ASIC2: variants seen among roughly 807,000 people sequenced by gnomAD.
The protein encoded by ASIC2 is acid-sensing ion channel 2.
In ASIC2, 25 loss-of-function variants were observed where a neutral mutation model predicts 57.3. The ratio of observed to expected loss-of-function variants is 0.44; its 90% CI spans 0.32 to 0.61. ASIC2 has a LOEUF of 0.61. Among genes scored for constraint, ASIC2 ranks in the 20% least tolerant of loss-of-function variants. The pLI is 0.06. For missense variants in ASIC2, 641 were observed against 738.1 expected (o/e 0.87, Z 1.52); for synonymous variants, 319 against 307.5 (o/e 1.04, Z -0.39).
chr17:33,461,872 C>A (rs1036006100), intron 1 of ASIC2, among the ~76,000 whole-genome samples: 1 of 152,104 alleles, frequency 6.6e-6, no homozygotes, highest in Non-Finnish European at 1.5e-5. Context: ...CAGGTATGCC[C>A]CAGTTCCATT....
At chr17:34,072,928 A>C (rs1207677390) in intron 1 of ASIC2, among the ~76,000 whole-genome samples, 2 of 152,182 alleles carry the variant, frequency 1.3e-5, no homozygotes, top group Non-Finnish European at 2.9e-5. Flanking sequence ...CTGGTACTAA[A>C]TTTTGTAATT....
chr17:33,899,664 G>A (rs1035512732), intron 1 of ASIC2, among the ~76,000 whole-genome samples: 3 of 152,076 alleles, frequency 2.0e-5, no homozygotes, highest in Non-Finnish European at 2.9e-5. Flanking sequence ...TTGGAGACCC[G>A]GTATGAGATA....
intron 1 of ASIC2, among the ~76,000 whole-genome samples, chr17:33,696,471 G>A (rs1908532162): frequency 6.6e-6 from 1 of 152,200 alleles, no homozygotes; most frequent in Non-Finnish European, 1.5e-5. Context: ...ACATATATGA[G>A]GGGAAAGCAC....
intron 1 of ASIC2, among the ~76,000 whole-genome samples, chr17:33,495,367 C>A (rs9890772): frequency 1.3e-4 from 20 of 152,186 alleles, no homozygotes; most frequent in African/African-American, 4.6e-4. Flanking sequence ...TGGTCCTGGG[C>A]AAAGAAGCCA....
intron 3 of ASIC2, among the ~76,000 whole-genome samples, chr17:33,065,318 A>C (rs2092038803): frequency 6.6e-6 from 1 of 151,370 alleles, no homozygotes; most frequent in African/African-American, 2.4e-5. Context: ...CTGGGACTAC[A>C]GCTGCTCAGT....
At chr17:33,844,287 C>CCGTGGCA (rs1486357554) in intron 1 of ASIC2, among the ~76,000 whole-genome samples, 1 of 152,026 alleles carries the variant, frequency 6.6e-6, no homozygotes, top group Non-Finnish European at 1.5e-5. Context: ...TGTAGGATGA[C>CCGTGGCA]CGTGGCATTT....
rs180843790 is a variant in ASIC2 at position 34,119,009 on chromosome 17, A to C, written c.555+36969T>G. Reference sequence around the variant, plus strand: ...TAATCTCCATTTTGGAGGCCAGGAAAGTGTGGCAAGAGAGATGTTTAGCTT... The same window carrying C: ...TAATCTCCATTTTGGAGGCCAGGAACGTGTGGCAAGAGAGATGTTTAGCTT... On this transcript the variant is annotated intron_variant, in intron 1 of 9. Coordinates refer to the ASIC2 transcript ENST00000359872. The C allele has an allele frequency of 4.0e-4, 61 of 152,344 alleles. 1 individual carries two copies. The highest frequency in any genetic ancestry group is 3.8e-3 in the Admixed American group (58 of 15,304). 9.4% of individuals were successfully genotyped at this position (152,344 alleles called of 1,614,324 possible). A position where few individuals can be genotyped will look rare whatever the true frequency, so the allele number is the denominator to read the frequency against.
chr17:33,401,067 A>G (rs1757221114), intron 1 of ASIC2, among the ~76,000 whole-genome samples: 2 of 152,180 alleles, frequency 1.3e-5, no homozygotes, highest in Admixed American at 6.5e-5. Flanking sequence ...TGTGAATGAC[A>G]TCGCCGTCTC....
At chr17:34,069,476 CACTG>C (rs1378441544) in intron 1 of ASIC2, 6 of 151,414 alleles carry the variant, frequency 4.0e-5, no homozygotes, top group African/African-American at 1.5e-4. Context: ...CAGGGCCTAT[CACTG>C]ACTGAGTTAG....
chr17:33,488,106 A>G (rs1221891276), intron 1 of ASIC2, among the ~76,000 whole-genome samples: 1 of 152,212 alleles, frequency 6.6e-6, no homozygotes, highest in Non-Finnish European at 1.5e-5. Context: ...AATGATTGAG[A>G]AAATGCATCT....
intron 1 of ASIC2, among the ~76,000 whole-genome samples, chr17:33,810,486 T>A (rs1363512633): frequency 6.6e-6 from 1 of 152,202 alleles, no homozygotes; most frequent in Non-Finnish European, 1.5e-5. Context: ...CAGAGCCAAG[T>A]GCAGGAACAC....
chr17:33,080,615 A>G (rs2092109412), intron 3 of ASIC2, among the ~76,000 whole-genome samples: 1 of 152,196 alleles, frequency 6.6e-6, no homozygotes, highest in Non-Finnish European at 1.5e-5. Flanking sequence ...GTAAGAGATA[A>G]ACAAAAATAA....
intron 1 of ASIC2, among the ~76,000 whole-genome samples, chr17:33,191,575 A>T (rs963920942): frequency 6.6e-6 from 1 of 151,336 alleles, no homozygotes; most frequent in African/African-American, 2.4e-5. Flanking sequence ...GAGGGAGGAG[A>T]AGGAGGAGGA....
intron 7 of ASIC2, among the ~76,000 whole-genome samples, chr17:33,018,245 G>A (rs992240727): frequency 6.6e-6 from 1 of 152,176 alleles, no homozygotes; most frequent in Admixed American, 6.5e-5. Flanking sequence ...GGGTTTATAG[G>A]CCCCCATTAT....
At chr17:33,252,486 C>T (rs960890902) in intron 1 of ASIC2, among the ~76,000 whole-genome samples, 4 of 152,136 alleles carry the variant, frequency 2.6e-5, no homozygotes, top group African/African-American at 7.2e-5. Flanking sequence ...ATGGCAAAAG[C>T]GTGCTTTTGT....
Position 33,292,035 on chromosome 17 carries a change from C to G in ASIC2, c.81G>C (p.Pro27=). 8.7e-7 allele frequency: 1 copy of G among 1,155,322 alleles called. No homozygotes were observed. The highest frequency in any genetic ancestry group is 1.1e-6 in the Non-Finnish European group (1 of 944,908). 71.6% of individuals were successfully genotyped at this position (1,155,322 alleles called of 1,614,324 possible). A position where few individuals can be genotyped will look rare whatever the true frequency, so the allele number is the denominator to read the frequency against. ...CGGCAGCCGCCAACGCCGCGGGCGCCGGCTCCTCGCGGGCCATGCGGAAGC... is the reference window on the plus strand; with the variant it reads ...CGGCAGCCGCCAACGCCGCGGGCGCGGGCTCCTCGCGGGCCATGCGGAAGC... ...PGRFRMAREE[P]APAALAAAGQ... Residue 27 remains proline (P), a synonymous_variant, in exon 1 of 10, where the codon CCG becomes CCC. Coordinates refer to ENST00000225823, the MANE Select transcript of ASIC2 (RefSeq NM_183377.2).
intron 1 of ASIC2, among the ~76,000 whole-genome samples, chr17:33,473,329 C>T (rs1162984453): frequency 3.3e-5 from 5 of 152,222 alleles, no homozygotes; most frequent in African/African-American, 4.8e-5. Flanking sequence ...ATAAACATCC[C>T]ATCGGCTTAC....
chr17:33,387,570 C>T (rs1012075003), intron 1 of ASIC2, among the ~76,000 whole-genome samples: 72 of 152,238 alleles, frequency 4.7e-4, no homozygotes, highest in Non-Finnish European at 2.1e-4. Context: ...CGCGCCTGCG[C>T]CACTCCCACT....
chr17:33,563,221 G>T (rs919984), intron 1 of ASIC2, among the ~76,000 whole-genome samples: 86,183 of 152,040 alleles, frequency 0.57, 25,580 homozygotes, highest in African/African-American at 0.75. Context: ...GTTAGCACAG[G>T]ACAAGAAGGG....
Sources: gnomAD v4.1 joint callset for allele counts (sites outside exome capture counted in the v4.1 genomes callset) on GRCh38, gnomAD v4.1.1 for gene constraint, MANE v1.5 for transcripts, NCBI Gene and HGNC (gene_info 2026-07-23, HGNC 2026-07-21) for gene names.